The following LRP1B variants were observed in gnomAD, a reference collection of about 807,000 sequenced individuals.
LRP1B encodes LDL receptor related protein 1B.
LRP1B carries 217 observed loss-of-function variants against 556.6 expected under a neutral mutation model. That is an observed-to-expected ratio of 0.39 (90% CI 0.35 to 0.44). The LOEUF (loss-of-function observed/expected upper bound fraction) is 0.44, where lower values mean the gene tolerates loss of function less well. Ranked by LOEUF, LRP1B falls within the 20% of genes least tolerant of loss-of-function variation. The probability of loss-of-function intolerance (pLI) is 1.00; values close to 1 mark genes in which losing one functional copy is unlikely to be tolerated. For missense variants in LRP1B, 5,053 were observed against 5,620.8 expected (o/e 0.90, Z 3.23); for synonymous variants, 2,047 against 1,865.8 (o/e 1.10, Z -2.50).
intron 17 of LRP1B, among the ~76,000 whole-genome samples, chr2:140,985,597 A>G (rs1525587): frequency 0.99 from 149,776 of 151,904 alleles, 73,885 homozygotes; most frequent in Middle Eastern, 1. Flanking sequence ...GGATGTTGAC[A>G]GAGAACGGCT....
At chr2:141,935,567 G>A (rs953357368) in intron 1 of LRP1B, among the ~76,000 whole-genome samples, 5 of 151,942 alleles carry the variant, frequency 3.3e-5, no homozygotes, top group African/African-American at 1.2e-4. Flanking sequence ...AATACAAAAA[G>A]GACAAAGTAG....
At position 141,894,106 on chromosome 2, in the gene LRP1B, T is replaced by C. The variant is rs138194762; in HGVS notation, c.83-83705A>G. Reference sequence around the variant, plus strand: ...ATTGGAATCTGAATAACATATATCATTACCTTTACAAATTATGTTGGCTGT... The same window carrying C: ...ATTGGAATCTGAATAACATATATCACTACCTTTACAAATTATGTTGGCTGT... On this transcript the variant is annotated intron_variant, in intron 1 of 90. Coordinates refer to ENST00000389484, the MANE Select transcript of LRP1B (RefSeq NM_018557.3). Among the ~76,000 whole-genome samples, 7 of 152,260 alleles carry C rather than the reference T, an allele frequency of 4.6e-5. No homozygotes were observed. In the East Asian group the frequency reaches 1.4e-3, roughly 29 times the overall value.
intron 41 of LRP1B, among the ~76,000 whole-genome samples, chr2:140,643,229 C>T (rs138806212): frequency 1.3e-5 from 2 of 151,932 alleles, no homozygotes; most frequent in Non-Finnish European, 2.9e-5. Flanking sequence ...GTTCTTATAA[C>T]GAGTTAACAT....
At chr2:141,739,681 T>G (rs1355997601) in intron 2 of LRP1B, among the ~76,000 whole-genome samples, 3 of 41,366 alleles carry the variant, frequency 7.3e-5, no homozygotes, top group South Asian at 9.1e-4. Context: ...CTACTGGTTG[T>G]TTTTTTTTTT....
chr2:140,960,332 T>C (rs1558764965), intron 18 of LRP1B, among the ~76,000 whole-genome samples: 1 of 151,822 alleles, frequency 6.6e-6, no homozygotes. Context: ...TTTCTAAGAA[T>C]TCACTCTTAT....
intron 6 of LRP1B, among the ~76,000 whole-genome samples, chr2:141,203,674 A>G (rs1682142407): frequency 6.6e-6 from 1 of 152,200 alleles, no homozygotes. Context: ...CTCTGGACCA[A>G]GTGGACCTAA....
At chr2:141,245,418 T>A (rs1002510165) in intron 5 of LRP1B, among the ~76,000 whole-genome samples, 1 of 152,164 alleles carries the variant, frequency 6.6e-6, no homozygotes, top group East Asian at 1.9e-4. Flanking sequence ...GAAGCTTGCT[T>A]AGCTAGTCTA....
intron 3 of LRP1B, among the ~76,000 whole-genome samples, chr2:141,298,626 T>C (rs751906629): frequency 6.6e-6 from 1 of 152,080 alleles, no homozygotes; most frequent in African/African-American, 2.4e-5. Flanking sequence ...TCTTTTCCTT[T>C]GCTGGATTTT....
chr2:141,388,375 G>A (rs924307384), intron 3 of LRP1B, among the ~76,000 whole-genome samples: 12 of 152,186 alleles, frequency 7.9e-5, no homozygotes, highest in Non-Finnish European at 1.6e-4. Context: ...GGCAGAGGTT[G>A]CGGTGAGCCA....
At chr2:141,077,245 C>A (rs1444303021) in intron 7 of LRP1B, among the ~76,000 whole-genome samples, 1 of 145,866 alleles carries the variant, frequency 6.9e-6, no homozygotes, top group Non-Finnish European at 1.5e-5. Flanking sequence ...GAGACTCCAA[C>A]TAAAAAACAA....
intron 7 of LRP1B, among the ~76,000 whole-genome samples, chr2:141,099,387 T>C (rs978975538): frequency 6.6e-6 from 1 of 152,224 alleles, no homozygotes; most frequent in African/African-American, 2.4e-5. Context: ...AGTAATTTAA[T>C]TGTGGATATG....
At chr2:141,173,319 T>C (rs977541162) in intron 7 of LRP1B, among the ~76,000 whole-genome samples, 1 of 152,098 alleles carries the variant, frequency 6.6e-6, no homozygotes, top group African/African-American at 2.4e-5. Context: ...TACATTTCTC[T>C]TCCATCCTCA....
chr2:140,505,551 G>C (rs776867252), intron 53 of LRP1B, among the ~76,000 whole-genome samples: 1 of 152,086 alleles, frequency 6.6e-6, no homozygotes, highest in Non-Finnish European at 1.5e-5. Flanking sequence ...TTTCCAAGTG[G>C]GGCCTCTCTG....
At chr2:141,263,453 A>C (rs1268904452) in intron 3 of LRP1B, among the ~76,000 whole-genome samples, 1 of 152,106 alleles carries the variant, frequency 6.6e-6, no homozygotes, top group African/African-American at 2.4e-5. Flanking sequence ...GCCAAAGCTC[A>C]TTCAAGAAGA....
At chr2:140,780,108 AG>A (rs1332676089) in intron 32 of LRP1B, among the ~76,000 whole-genome samples, 1 of 152,056 alleles carries the variant, frequency 6.6e-6, no homozygotes, top group Non-Finnish European at 1.5e-5. Context: ...GAGGAAGGGA[AG>A]AAAATAGTAC....
In LRP1B at chr2:140,875,394, G is replaced by A. The variant is rs571820051; in HGVS notation, c.4170-7131C>T. Among the ~76,000 whole-genome samples the A allele has an allele frequency of 3.9e-5, 6 of 152,198 alleles. No individual in the cohort carries two copies. In the South Asian group the frequency reaches 1.2e-3, roughly 32 times the overall value. On this transcript the variant is annotated intron_variant, in intron 25 of 90. Coordinates refer to ENST00000389484, the MANE Select transcript of LRP1B (RefSeq NM_018557.3). ...AAGGCTTATGGAAGTTATATCTTAT[G>A]GTCAAGATTAAAATTTTATAGATTG...
At position 141,254,578 on chromosome 2, in the gene LRP1B, G is replaced by A. The variant is rs772928742; in HGVS notation, c.407C>T (p.Thr136Ile). The change falls in exon 4 of 91, where the codon ACA becomes ATA. Residue 136 changes from threonine to isoleucine, a missense_variant. Thr to Ile is a moderately conservative substitution (Grantham distance 89, BLOSUM62 -1). This residue lies in a region of LRP1B where 3,619 missense variants were observed against 3,931.9 expected (regional missense o/e 0.92). Coordinates refer to ENST00000389484, the MANE Select transcript of LRP1B (RefSeq NM_018557.3). ...GAATCCATCCTCACAGTAACATCTT[G>A]TACTATTTCTGACCATTGTACATTT... ...QYKCTMVRNS[T>I]RCYCEDGFEI... The A allele has an allele frequency of 2.5e-6, 4 of 1,611,356 alleles. No individual in the cohort carries two copies. The South Asian group carries it at 3.3e-5, about 13-fold the overall frequency.
At chr2:141,648,493 C>T (rs1373367825) in intron 2 of LRP1B, among the ~76,000 whole-genome samples, 1 of 152,172 alleles carries the variant, frequency 6.6e-6, no homozygotes, top group Non-Finnish European at 1.5e-5. Context: ...CTTTTCTATT[C>T]CTACACTCTA....
At chr2:140,340,722 A>AAAG (rs1329916612) in intron 77 of LRP1B, among the ~76,000 whole-genome samples, 1 of 151,480 alleles carries the variant, frequency 6.6e-6, no homozygotes, top group African/African-American at 2.4e-5. Flanking sequence ...TTACATATCC[A>AAAG]AAGTTTTGTT....
Sources: gnomAD v4.1 joint callset for allele counts (sites outside exome capture counted in the v4.1 genomes callset) on GRCh38, gnomAD v4.1.1 for gene constraint, gnomAD v4.1.1 regional missense constraint, MANE v1.5 for transcripts, NCBI Gene and HGNC (gene_info 2026-07-23, HGNC 2026-07-21) for gene names.